The following HHIP variants were observed in gnomAD, a reference collection of about 807,000 sequenced individuals.
The protein encoded by HHIP is hedgehog-interacting protein.
Under a neutral mutation model 74.0 loss-of-function variants are expected in HHIP, and 12 were observed. The observed-to-expected ratio is 0.16, with a 90% CI of 0.10 to 0.26. The LOEUF (loss-of-function observed/expected upper bound fraction) is 0.26, where lower values mean the gene tolerates loss of function less well. HHIP is among the 10% of genes least tolerant of loss of function. The probability of loss-of-function intolerance (pLI) is 1.00; values close to 1 mark genes in which losing one functional copy is unlikely to be tolerated. For missense variants in HHIP, 788 were observed against 845.0 expected (o/e 0.93, Z 0.84); for synonymous variants, 309 against 311.6 (o/e 0.99, Z 0.09).
At chr4:144,667,588 G>A (rs575474399) in intron 4 of HHIP, among the ~76,000 whole-genome samples, 1 of 152,250 alleles carries the variant, frequency 6.6e-6, no homozygotes, top group Admixed American at 6.5e-5. Context: ...ATTAATTATA[G>A]GGTATTGCTG....
Position 144,646,489 on chromosome 4 carries a change from C to T in HHIP, c.-187C>T. ...GGCTCCCCTAAGGCATTGGACCCATCGCCGCGTCTTTTATTTTTTGCAAAG... is the reference window on the plus strand; with the variant it reads ...GGCTCCCCTAAGGCATTGGACCCATTGCCGCGTCTTTTATTTTTTGCAAAG... On this transcript the variant is annotated 5_prime_UTR_variant, in exon 1 of 13. Transcript: ENST00000296575. The T allele has an allele frequency of 1.7e-6, 1 of 593,094 alleles. No individual in the cohort carries two copies. Among genetic ancestry groups the T allele is most frequent in the Non-Finnish European group, 3.0e-6 (1 of 337,182 alleles). The allele number at this position is 593,094 out of a possible 1,614,324, so 36.7% of individuals were successfully genotyped here.
intron 4 of HHIP, among the ~76,000 whole-genome samples, chr4:144,694,612 T>C (rs1333410441): frequency 1.3e-5 from 2 of 151,810 alleles, no homozygotes; most frequent in Non-Finnish European, 3.0e-5. Flanking sequence ...TAAAAACAAT[T>C]TTGTACCCTT....
Position 144,659,907 on chromosome 4 carries a change from A to G in HHIP, c.831+69A>G, listed in dbSNP as rs2307057. On this transcript the variant is annotated intron_variant, in intron 4 of 12. Coordinates refer to ENST00000296575, the MANE Select transcript of HHIP (RefSeq NM_022475.3). ...ATTTTATTTTAGTGTTACCTTCCTC[A>G]CTGAAGGTATTTCTTTGTAATAAAA... is the stretch of plus-strand genomic sequence containing the variant. 5,159 of 1,106,344 alleles carry G rather than the reference A, an allele frequency of 4.7e-3. 125 individuals are homozygous for G. In the East Asian group the frequency reaches 0.065, roughly 14 times the overall value. 68.5% of individuals were successfully genotyped at this position (1,106,344 alleles called of 1,614,324 possible).
intron 2 of HHIP, among the ~76,000 whole-genome samples, chr4:144,654,294 G>A (rs1020477729): frequency 6.6e-6 from 1 of 152,156 alleles, no homozygotes; most frequent in African/African-American, 2.4e-5. Context: ...AACATATGTG[G>A]TGACGAATGA....
rs1731336772 is a variant in HHIP at position 144,744,693 on chromosome 4, A to T, written c.*6736A>T. Reference sequence around the variant, plus strand: ...TTAATCAATCTTCTATTATTCAATCATCTATCCATTTATTAATTCAACAAA... The same window carrying T: ...TTAATCAATCTTCTATTATTCAATCTTCTATCCATTTATTAATTCAACAAA... On this transcript the variant is annotated 3_prime_UTR_variant, in exon 13 of 13. Coordinates refer to ENST00000296575, the MANE Select transcript of HHIP (RefSeq NM_022475.3). 1 of 152,216 alleles carries T rather than the reference A, an allele frequency of 6.6e-6. No individual in the cohort carries two copies. Among genetic ancestry groups the T allele is most frequent in the South Asian group, 2.1e-4 (1 of 4,832 alleles). The allele number at this position is 152,216 out of a possible 1,614,324, so 9.4% of individuals were successfully genotyped here. A position where few individuals can be genotyped will look rare whatever the true frequency, so the allele number is the denominator to read the frequency against.
intron 11 of HHIP, among the ~76,000 whole-genome samples, chr4:144,726,814 T>C (rs1730819119): frequency 1.3e-5 from 2 of 152,200 alleles, no homozygotes; most frequent in African/African-American, 2.4e-5. Context: ...TGGGTTTCCC[T>C]CTCTCTCGAT....
intron 4 of HHIP, among the ~76,000 whole-genome samples, chr4:144,692,280 A>G (rs1200943291): frequency 6.6e-6 from 1 of 152,028 alleles, no homozygotes; most frequent in Admixed American, 6.6e-5. Context: ...TTCAAACCCA[A>G]CTGTCATGTA....
At chr4:144,716,452 A>G (rs1730446050) in intron 10 of HHIP, among the ~76,000 whole-genome samples, 1 of 152,148 alleles carries the variant, frequency 6.6e-6, no homozygotes. Context: ...ATTTTTCCTT[A>G]ACATTCCCCT....
chr4:144,674,635 T>C (rs1198004079), intron 4 of HHIP, among the ~76,000 whole-genome samples: 1 of 152,170 alleles, frequency 6.6e-6, no homozygotes, highest in African/African-American at 2.4e-5. Context: ...AAATATGCAT[T>C]CTGAAATTTA....
At position 144,672,525 on chromosome 4, in the gene HHIP, G is replaced by C. The variant is rs569762165; in HGVS notation, c.831+12687G>C. Among the ~76,000 whole-genome samples, 17 of 152,188 alleles carry C rather than the reference G, an allele frequency of 1.1e-4. No homozygotes were observed. The East Asian group carries it at 3.1e-3, about 28-fold the overall frequency. ...GAAGAGGAGAGTAGTTGTAGGAGAT[G>C]AGATTGCAGAGTTGAGCATCTGTGT... On this transcript the variant is annotated intron_variant, in intron 4 of 12. Transcript: ENST00000296575.
At chr4:144,728,332 T>A (rs1481253124) in intron 11 of HHIP, among the ~76,000 whole-genome samples, 3 of 152,082 alleles carry the variant, frequency 2.0e-5, no homozygotes, top group South Asian at 2.1e-4. Flanking sequence ...ATGAAGAAAA[T>A]ATTAGTCGCA....
intron 4 of HHIP, among the ~76,000 whole-genome samples, chr4:144,686,725 C>G (rs758086007): frequency 6.6e-6 from 1 of 152,120 alleles, no homozygotes; most frequent in Non-Finnish European, 1.5e-5. Flanking sequence ...AAGACCTACA[C>G]GTCTCTAAGT....
intron 11 of HHIP, among the ~76,000 whole-genome samples, chr4:144,732,704 C>T (rs755396366): frequency 2.0e-5 from 3 of 152,176 alleles, no homozygotes; most frequent in Non-Finnish European, 4.4e-5. Flanking sequence ...GATGCCATCT[C>T]TTTGGATTCA....
chr4:144,734,743 C>T lies in HHIP; in HGVS notation c.1763C>T (p.Pro588Leu), dbSNP rs780484878. 1.9e-6 allele frequency: 3 copies of T among 1,578,318 alleles called. No individual in the cohort carries two copies. The highest frequency in any genetic ancestry group is 2.3e-5 in the South Asian group (2 of 87,828). Residue 588 changes from proline (P) to leucine (L), a missense_variant and splice_region_variant, in exon 12 of 13, where the codon CCT (proline) becomes CTT (leucine). Pro to Leu is a moderately conservative substitution (Grantham distance 98, BLOSUM62 -3). Transcript: ENST00000296575. Reference protein sequence around the residue: ...KLYKIVDPKRPLMPEECRATV... With the variant: ...KLYKIVDPKRLLMPEECRATV... ...TCAACTATTGTGTTTTAATGTAGAC[C>T]TTTAATGCCTGAGGAATGCAGAGCC...
chr4:144,710,454 C>T (rs1445776789), intron 7 of HHIP, among the ~76,000 whole-genome samples: 1 of 152,138 alleles, frequency 6.6e-6, no homozygotes, highest in Non-Finnish European at 1.5e-5. Flanking sequence ...TCATTGGGAG[C>T]CAAGAGTTTA....
chr4:144,726,211 CT>C (rs567330719), intron 11 of HHIP, among the ~76,000 whole-genome samples: 1 of 151,984 alleles, frequency 6.6e-6, no homozygotes, highest in South Asian at 2.1e-4. Flanking sequence ...ATGGCATTGG[CT>C]TTTTTATTAT....
chr4:144,683,627 AT>A (rs1259600659), intron 4 of HHIP, among the ~76,000 whole-genome samples: 1 of 152,196 alleles, frequency 6.6e-6, no homozygotes, highest in Non-Finnish European at 1.5e-5. Flanking sequence ...CTATATGGTA[AT>A]GACTTAGATT....
rs1728272012 is a variant in HHIP at position 144,646,782 on chromosome 4, G to A, written c.107G>A (p.Arg36Lys). ...AGAAACGAAGGGAGCGGAGCAAGGA[G>A]GAGAAGGTGCCTGAATGGGAACCCC... ...GERNEGSGAR[R>K]RRCLNGNPPK... The change falls in exon 1 of 13, where the codon AGG (arginine) becomes AAG (lysine). Residue 36 changes from arginine (R) to lysine (K), a missense_variant. Around this residue, in one of 3 missense-constraint regions of HHIP, gnomAD observed 373 missense variants for 366.4 expected, o/e 1.02. Coordinates refer to ENST00000296575, the MANE Select transcript of HHIP (RefSeq NM_022475.3). The A allele has an allele frequency of 6.2e-7, 1 of 1,614,230 alleles. No homozygotes were observed. The highest frequency in any genetic ancestry group is 8.5e-7 in the Non-Finnish European group (1 of 1,180,052).
At chr4:144,701,902 A>T (rs1729995520) in intron 4 of HHIP, among the ~76,000 whole-genome samples, 1 of 152,238 alleles carries the variant, frequency 6.6e-6, no homozygotes, top group African/African-American at 2.4e-5. Context: ...AGAAACCAGA[A>T]AAAAACTAAC....
Sources: allele counts gnomAD v4.1 joint callset (sites outside exome capture counted in the v4.1 genomes callset), GRCh38; gene constraint gnomAD v4.1.1; regional missense constraint gnomAD v4.1.1; transcripts MANE v1.5; gene names NCBI Gene and HGNC (gene_info 2026-07-23, HGNC 2026-07-21).